Variants in CHD8 observed in about 807,000 individuals in gnomAD.
The protein encoded by CHD8 is chromodomain helicase DNA binding protein 8, also known as ATP-dependent chromatin remodeler CHD8.
CHD8 carries 31 observed loss-of-function variants against 279.2 expected under a neutral mutation model. The observed-to-expected ratio is 0.11, with a 90% CI of 0.08 to 0.15. The LOEUF (loss-of-function observed/expected upper bound fraction) is 0.15. CHD8 is among the 10% of genes least tolerant of loss of function. CHD8 has a pLI of 1.00. For synonymous variants in CHD8, 1,081 were observed against 1,139.6 expected (o/e 0.95, Z 1.04); for missense variants, 2,146 against 3,230.5 (o/e 0.66, Z 8.14).
Position 21,385,387 on chromosome 14 carries a change from C to A in CHD8, c.*226G>T, listed in dbSNP as rs773863893. ...AGCTGCTCTAGTCTCCTTTCCTTCC[C>A]CAGAAATGAGGAAGTGGTCATGTAT... is the stretch of plus-strand genomic sequence containing the variant. On this transcript the variant is annotated 3_prime_UTR_variant, in exon 38 of 38. Coordinates refer to ENST00000646647, the MANE Select transcript of CHD8 (RefSeq NM_001170629.2). 6.1e-6 allele frequency: 4 copies of A among 660,984 alleles called. No homozygotes were observed. The highest frequency in any genetic ancestry group is 9.7e-6 in the Non-Finnish European group (4 of 413,054). 40.9% of individuals were successfully genotyped at this position (660,984 alleles called of 1,614,324 possible). A position where few individuals can be genotyped will look rare whatever the true frequency, so the allele number is the denominator to read the frequency against.
intron 1 of CHD8, among the ~76,000 whole-genome samples, chr14:21,440,969 A>G (rs1394663005): frequency 6.6e-6 from 1 of 152,110 alleles, no homozygotes; most frequent in Non-Finnish European, 1.5e-5. Context: ...GCCCCTTCCT[A>G]TATTTTCCAT....
At position 21,385,440 on chromosome 14, in the gene CHD8, A is replaced by T. The variant is rs1332269096; in HGVS notation, c.*173T>A. 4 of 1,091,218 alleles carry T rather than the reference A, an allele frequency of 3.7e-6. No homozygotes were observed. In the African/African-American group the frequency reaches 4.8e-5, roughly 13 times the overall value. 67.6% of individuals were successfully genotyped at this position (1,091,218 alleles called of 1,614,324 possible). A position where few individuals can be genotyped will look rare whatever the true frequency, so the allele number is the denominator to read the frequency against. Reference sequence around the variant, plus strand: ...TTTTAGGAGTTCCCCTGCCCACCCAATCCTCTCATAATTGGGAGCAATCAG... The same window carrying T: ...TTTTAGGAGTTCCCCTGCCCACCCATTCCTCTCATAATTGGGAGCAATCAG... On this transcript the variant is annotated 3_prime_UTR_variant, in exon 38 of 38. Transcript: ENST00000646647.
In CHD8 at chr14:21,386,006, A is replaced by G; in HGVS notation, c.7353T>C (p.Ser2451=). 1.9e-6 allele frequency: 3 copies of G among 1,591,018 alleles called. No individual in the cohort carries two copies. The highest frequency in any genetic ancestry group is 2.6e-6 in the Non-Finnish European group (3 of 1,168,196). The stretch of plus-strand genomic sequence containing the variant: ...AAGATGACACAGACTGTAGGCCACT[A>G]CTGCTGTGTTGGAACGTGTTATGCA... ...LSLHNTFQHS[S]SGLQSVSSLG... is the part of the protein sequence containing the mutation. Residue 2451 remains serine, a synonymous_variant, in exon 38 of 38, where the codon AGT becomes AGC. Transcript: ENST00000646647.
At chr14:21,418,249 G>A (rs1888833449) in intron 5 of CHD8, among the ~76,000 whole-genome samples, 1 of 152,144 alleles carries the variant, frequency 6.6e-6, no homozygotes, top group South Asian at 2.1e-4. Context: ...CGGGCACGGT[G>A]GATCACGCCT....
At chr14:21,426,073 G>C in intron 5 of CHD8, 55 bp downstream of exon 5, 1 of 1,050,696 alleles carries the variant, frequency 9.5e-7, no homozygotes, top group African/African-American at 1.6e-5. Flanking sequence ...GCTTGGCTTG[G>C]TTAGCCATAA....
In CHD8 at chr14:21,431,332, C is replaced by G. The variant is rs929799421; in HGVS notation, c.312G>C (p.Gln104His). 3.9e-6 allele frequency: 6 copies of G among 1,541,120 alleles called. No individual in the cohort carries two copies. The South Asian group carries it at 4.7e-5, about 12-fold the overall frequency. Residue 104 changes from glutamine to histidine, a missense_variant, in exon 2 of 38, where the codon CAG becomes CAC. Around this residue, in one of 26 missense-constraint regions of CHD8, gnomAD observed 302 missense variants for 325.5 expected, o/e 0.93. Transcript: ENST00000646647. ...DYTTQPASQEQPAQPVLQTST... is the reference protein window; with the variant it reads ...DYTTQPASQEHPAQPVLQTST... Reference sequence around the variant, plus strand: ...ATGTCTGTAAGACAGGTTGGGCTGGCTGCTCCTGGCTGGCAGGCTGAGTGG... The same window carrying G: ...ATGTCTGTAAGACAGGTTGGGCTGGGTGCTCCTGGCTGGCAGGCTGAGTGG...
At chr14:21,389,039 C>T (rs965453288) in intron 37 of CHD8, among the ~76,000 whole-genome samples, 4 of 152,092 alleles carry the variant, frequency 2.6e-5, no homozygotes, top group Admixed American at 6.5e-5. Context: ...CTGTGGCTCA[C>T]GCCTGTAATC....
At position 21,400,639 on chromosome 14, in the gene CHD8, T is replaced by A. The variant is rs17792647; in HGVS notation, c.4371-27A>T. Reference sequence around the variant, plus strand: ...TAAAAAACAGAAAACTATATTAACATTTTTCTGAGAAATGACAGTCCCCTG... The same window carrying A: ...TAAAAAACAGAAAACTATATTAACAATTTTCTGAGAAATGACAGTCCCCTG... On this transcript the variant is annotated intron_variant, in intron 22 of 37. Transcript: ENST00000646647. The surrounding 1 kb of genome is among the most constrained non-coding windows in gnomAD (Gnocchi z 4.2). 31,792 of 1,534,154 alleles carry A rather than the reference T, an allele frequency of 0.021. 439 individuals carry two copies. Among genetic ancestry groups the A allele is most frequent in the Non-Finnish European group, 0.026 (29,229 of 1,145,820 alleles).
intron 1 of CHD8, among the ~76,000 whole-genome samples, chr14:21,449,958 G>C (rs935257430): frequency 6.6e-6 from 1 of 152,170 alleles, no homozygotes; most frequent in African/African-American, 2.4e-5. Flanking sequence ...TAGGAGAATT[G>C]ATATGCAAAT....
intron 1 of CHD8, among the ~76,000 whole-genome samples, chr14:21,452,443 A>G (rs1479977176): frequency 6.6e-6 from 1 of 151,976 alleles, no homozygotes; most frequent in Non-Finnish European, 1.5e-5. Context: ...CAGGAGTTTG[A>G]GACAAGCCTG....
chr14:21,398,977 A>G, intron 26 of CHD8: 1 of 425,036 alleles, frequency 2.4e-6, no homozygotes, highest in South Asian at 1.9e-5. Context: ...CTTGAGGTCC[A>G]GCCGAGTGAC....
rs147214337 is a variant in CHD8 at position 21,401,852 on chromosome 14, C to T, written c.4062+105G>A. The T allele has an allele frequency of 1.9e-3, 2,118 of 1,103,762 alleles. 32 individuals carry two copies. The East Asian group carries it at 0.036, about 19-fold the overall frequency. 68.4% of individuals were successfully genotyped at this position (1,103,762 alleles called of 1,614,324 possible). A position where few individuals can be genotyped will look rare whatever the true frequency, so the allele number is the denominator to read the frequency against. On this transcript the variant is annotated intron_variant, in intron 20 of 37. Coordinates refer to ENST00000646647, the MANE Select transcript of CHD8 (RefSeq NM_001170629.2). The stretch of plus-strand genomic sequence containing the variant: ...CTGCCCGCCTCAGCCTCCCAAAGTG[C>T]TGGGAATATAGGCATGAGCCACCAT...
chr14:21,405,645 T>C lies in CHD8; in HGVS notation c.3051+76A>G. On this transcript the variant is annotated intron_variant, in intron 15 of 37. Coordinates refer to ENST00000646647, the MANE Select transcript of CHD8 (RefSeq NM_001170629.2). The surrounding 1 kb of genome is among the most constrained non-coding windows in gnomAD (Gnocchi z 4.2). ...TTCAGAAAGGCCCTTGAGATACCCA[T>C]GACAACAGATGTCTGCCTTGTACAA... The C allele has an allele frequency of 7.8e-6, 12 of 1,545,970 alleles. No individual in the cohort carries two copies. The highest frequency in any genetic ancestry group is 1.1e-5 in the Non-Finnish European group (12 of 1,133,994).
chr14:21,454,217 G>GAAAAGAAAAC (rs1187152281), intron 1 of CHD8, among the ~76,000 whole-genome samples: 2 of 145,374 alleles, frequency 1.4e-5, no homozygotes, highest in African/African-American at 2.6e-5. Flanking sequence ...GAAAAGAAAA[G>GAAAAGAAAAC]AAAACTGACA....
At chr14:21,392,375 T>C (rs776881930) in intron 34 of CHD8, 132 bp downstream of exon 34, 8 of 912,134 alleles carry the variant, frequency 8.8e-6, no homozygotes, top group Non-Finnish European at 1.2e-5. Flanking sequence ...CCTAAATGGA[T>C]CTTTGTAAGC....
intron 5 of CHD8, chr14:21,425,819 C>T: frequency 3.9e-6 from 1 of 257,448 alleles, no homozygotes; most frequent in Non-Finnish European, 7.3e-6. Flanking sequence ...GCCTATAATC[C>T]CAGTTACTCG....
At chr14:21,423,737 A>G (rs1402432572) in intron 5 of CHD8, among the ~76,000 whole-genome samples, 2 of 152,178 alleles carry the variant, frequency 1.3e-5, no homozygotes, top group Non-Finnish European at 2.9e-5. Flanking sequence ...CATCCACAGC[A>G]TATGTATGTA....
At chr14:21,451,333 G>T (rs1280232588) in intron 1 of CHD8, among the ~76,000 whole-genome samples, 1 of 152,028 alleles carries the variant, frequency 6.6e-6, no homozygotes, top group Non-Finnish European at 1.5e-5. Context: ...TCTTAGGGAG[G>T]CAGAGGCAGG....
chr14:21,392,846 C>A, intron 33 of CHD8, 37 bp from the exon 34 acceptor site: 2 of 1,592,944 alleles, frequency 1.3e-6, no homozygotes, highest in South Asian at 2.3e-5. Flanking sequence ...TTTTAAGAGT[C>A]TGAGTACTAG....
Sources: gnomAD v4.1 joint callset for allele counts (sites outside exome capture counted in the v4.1 genomes callset) on GRCh38, gnomAD v4.1.1 for gene constraint, gnomAD v4.1.1 regional missense constraint, Gnocchi (gnomAD v3.1) non-coding constraint, MANE v1.5 for transcripts, NCBI Gene and HGNC (gene_info 2026-07-23, HGNC 2026-07-21) for gene names.